Variants in KMT2B observed in about 807,000 individuals in gnomAD.
KMT2B encodes histone-lysine N-methyltransferase 2B.
KMT2B carries 22 observed loss-of-function variants against 255.3 expected under a neutral mutation model. That is an observed-to-expected ratio of 0.09 (90% CI 0.06 to 0.12). The LOEUF is 0.12. Ranked by LOEUF, KMT2B falls within the 10% of genes least tolerant of loss-of-function variation. The pLI is 1.00. For missense variants in KMT2B, 3,149 were observed against 3,737.0 expected (o/e 0.84, Z 4.10); for synonymous variants, 1,730 against 1,498.1 (o/e 1.15, Z -3.57).
In KMT2B at chr19:35,725,421, C is replaced by T; in HGVS notation, c.3643-58C>T. 1.4e-5 allele frequency: 22 copies of T among 1,596,728 alleles called. No homozygotes were observed. The highest frequency in any genetic ancestry group is 1.9e-5 in the Non-Finnish European group (22 of 1,172,118). ...TTGGGCCCTCTCAGCTGGGTCTCAT[C>T]CCTTGGCCCTCTGGCCTCATGCTAT... On this transcript the variant is annotated intron_variant, in intron 11 of 36. Coordinates refer to ENST00000420124, the MANE Select transcript of KMT2B (RefSeq NM_014727.3). The surrounding 1 kb of genome is among the most constrained non-coding windows in gnomAD (Gnocchi z 4.1).
At position 35,728,163 on chromosome 19, in the gene KMT2B, G is replaced by A; in HGVS notation, c.4563G>A (p.Arg1521=). ...CCAAGTACTGGCGACGGAGTACCCG[G>A]CTGCCAAAGTGAGCAAGGCTGGGTA... ...HDPKYWRRST[R]LPNGVLPNAV... is the part of the protein sequence containing the mutation. Residue 1521 remains arginine, a synonymous_variant, in exon 19 of 37, where the codon CGG becomes CGA. Transcript: ENST00000420124. 1 of 1,591,458 alleles carries A rather than the reference G, an allele frequency of 6.3e-7. No individual in the cohort carries two copies.
rs898578503 is a variant in KMT2B at position 35,718,020 on chromosome 19, T to TGGC, written c.14_16dup (p.Ala5dup). Reference sequence around the variant, plus strand: ...CCCGGCCCCTCTCACGGTGCCAAGATGGCGGCGGCGGCGGGCGGCGGCAGT... The same window carrying TGGC: ...CCCGGCCCCTCTCACGGTGCCAAGATGGCGGCGGCGGCGGCGGGCGGCGGCAGT... On this transcript the variant is annotated inframe_insertion, in exon 1 of 37. Transcript: ENST00000420124. The surrounding 1 kb of genome is among the most constrained non-coding windows in gnomAD (Gnocchi z 5.0). 31 of 983,868 alleles carry TGGC rather than the reference T, an allele frequency of 3.2e-5. No homozygotes were observed. Among genetic ancestry groups the TGGC allele is most frequent in the African/African-American group, 2.5e-4 (14 of 56,686 alleles). 60.9% of individuals were successfully genotyped at this position (983,868 alleles called of 1,614,324 possible).
chr19:35,737,836 G>A lies in KMT2B; in HGVS notation c.7659-23G>A, dbSNP rs1440809895. 1 of 1,557,564 alleles carries A rather than the reference G, an allele frequency of 6.4e-7. No homozygotes were observed. The highest frequency in any genetic ancestry group is 8.7e-7 in the Non-Finnish European group (1 of 1,150,004). Reference sequence around the variant, plus strand: ...GAGGTCATTCTGAGCACCAGCCTGGGTGACACTGCTGTCCCTCACCAGACG... The same window carrying A: ...GAGGTCATTCTGAGCACCAGCCTGGATGACACTGCTGTCCCTCACCAGACG... On this transcript the variant is annotated intron_variant, in intron 34 of 36. Coordinates refer to ENST00000420124, the MANE Select transcript of KMT2B (RefSeq NM_014727.3). The surrounding 1 kb of genome is among the most constrained non-coding windows in gnomAD (Gnocchi z 5.3).
chr19:35,730,114 C>G lies in KMT2B; in HGVS notation c.5065C>G (p.Leu1689Val), dbSNP rs371104113. The change falls in exon 23 of 37, where the codon CTG (leucine) becomes GTG (valine). Residue 1689 changes from leucine to valine, a missense_variant. This residue lies in a region of KMT2B where 58 missense variants were observed against 96.9 expected (regional missense o/e 0.60). Transcript: ENST00000420124. ...CTTCTGCCAGAAACACACTGATCTC[C>G]TGGATGGCAAGGTGGGCCAGAACTG... Reference protein sequence around the residue: ...KVFCQKHTDLLDGKEIVNPDG... With the variant: ...KVFCQKHTDLVDGKEIVNPDG... 32 of 1,613,524 alleles carry G rather than the reference C, an allele frequency of 2.0e-5. No homozygotes were observed. The highest frequency in any genetic ancestry group is 2.5e-5 in the Non-Finnish European group (29 of 1,179,764).
chr19:35,736,838 GGA>G lies in KMT2B; in HGVS notation c.7297+13_7297+14del. 6.2e-7 allele frequency: 1 copy of G among 1,613,938 alleles called. No homozygotes were observed. The highest frequency in any genetic ancestry group is 8.5e-7 in the Non-Finnish European group (1 of 1,179,860). On this transcript the variant is annotated intron_variant, in intron 31 of 36. Transcript: ENST00000420124. ...CAGAGAGCTTGGAGGGTGAGTGGGG[GGA>G]GTGCAGTGGCAGGAGGGAGAGTGTC...
chr19:35,733,083 C>A lies in KMT2B; in HGVS notation c.6534C>A (p.Gly2178=). 1 of 1,567,406 alleles carries A rather than the reference C, an allele frequency of 6.4e-7. No homozygotes were observed. The highest frequency in any genetic ancestry group is 8.7e-7 in the Non-Finnish European group (1 of 1,155,960). Residue 2178 remains glycine, a synonymous_variant, in exon 28 of 37, where the codon GGC becomes GGA. Coordinates refer to ENST00000420124, the MANE Select transcript of KMT2B (RefSeq NM_014727.3). The surrounding 1 kb of genome is among the most constrained non-coding windows in gnomAD (Gnocchi z 4.3). ...GAPGVRVLSL[G]PAPEPPKPAT... ...CAGGGGTCCGGGTGTTAAGCCTTGG[C>A]CCTGCCCCTGAGCCCCCCAAACCCG...
rs764034242 is a variant in KMT2B, at chr19:35,732,652, A to G, written c.6103A>G (p.Ile2035Val). ...EEESSPTSRYIHFPVTVVSAP... is the reference protein window; with the variant it reads ...EEESSPTSRYVHFPVTVVSAP... ...GGAGTCCAGCCCCACCTCCCGCTAC[A>G]TCCACTTCCCTGTGACTGTGGTGTC... Residue 2035 changes from isoleucine (I) to valine (V), a missense_variant, in exon 28 of 37, where the codon ATC (isoleucine) becomes GTC (valine). Transcript: ENST00000420124. The G allele has an allele frequency of 1.9e-5, 31 of 1,610,462 alleles. No homozygotes were observed. The highest frequency in any genetic ancestry group is 2.5e-5 in the Non-Finnish European group (29 of 1,178,576).
chr19:35,731,313 G>C (rs1454164945), intron 26 of KMT2B, among the ~76,000 whole-genome samples: 1 of 152,244 alleles, frequency 6.6e-6, no homozygotes, highest in Non-Finnish European at 1.5e-5. Flanking sequence ...GTGGCTGAGA[G>C]CTGGATGGCA....
At chr19:35,726,447 C>A in intron 14 of KMT2B, 94 bp downstream of exon 14, 1 of 812,944 alleles carries the variant, frequency 1.2e-6, no homozygotes, top group Non-Finnish European at 2.1e-6. Context: ...TTTCTCATGG[C>A]TTTCCACCTT....
In KMT2B at chr19:35,720,689, C is replaced by T. The variant is rs1273488815; in HGVS notation, c.1342C>T (p.Pro448Ser). The T allele has an allele frequency of 6.8e-6, 10 of 1,480,938 alleles. 1 individual carries two copies. The highest frequency in any genetic ancestry group is 8.9e-6 in the Non-Finnish European group (10 of 1,117,760). The allele number at this position is 1,480,938 out of a possible 1,614,324, so 91.7% of individuals were successfully genotyped here. A position where few individuals can be genotyped will look rare whatever the true frequency, so the allele number is the denominator to read the frequency against. ...PPPLPSPPPP[P>S]AQEEQEESPP... ...ACCTCTACCATCCCCTCCACCGCCT[C>T]CTGCCCAAGAGGAGCAGGAGGAATC... is the stretch of plus-strand genomic sequence containing the variant. The change falls in exon 3 of 37, where the codon CCT (proline) becomes TCT (serine). Residue 448 changes from proline (P) to serine (S), a missense_variant. This residue lies in a region of KMT2B where 1,188 missense variants were observed against 1,106.4 expected (regional missense o/e 1.07). Transcript: ENST00000420124.
chr19:35,731,867 C>T (rs1969706887), intron 26 of KMT2B, 41 bp from the exon 27 acceptor site: 1 of 1,465,508 alleles, frequency 6.8e-7, no homozygotes, highest in Non-Finnish European at 9.5e-7. Context: ...GGCTTTGACA[C>T]AGAGCCCCTA....
chr19:35,718,994 A>G lies in KMT2B; in HGVS notation c.364-475A>G, dbSNP rs1969073279. Reference sequence around the variant, plus strand: ...GTGGGTTGCGTTGCCCTGGACGGTTAATAACAACCTGAGAGCTCGCAGTGG... The same window carrying G: ...GTGGGTTGCGTTGCCCTGGACGGTTGATAACAACCTGAGAGCTCGCAGTGG... On this transcript the variant is annotated intron_variant, in intron 1 of 36. Transcript: ENST00000420124. The surrounding 1 kb of genome is among the most constrained non-coding windows in gnomAD (Gnocchi z 5.0). 6.6e-6 allele frequency among the ~76,000 whole-genome samples: 1 copy of G among 152,130 alleles called. No homozygotes were observed. Among genetic ancestry groups the G allele is most frequent in the Non-Finnish European group, 1.5e-5 (1 of 68,010 alleles).
At chr19:35,728,043 C>G in intron 18 of KMT2B, 55 bp from the exon 19 acceptor site, 1 of 1,556,996 alleles carries the variant, frequency 6.4e-7, no homozygotes, top group Non-Finnish European at 8.7e-7. Flanking sequence ...GACCCTGCCC[C>G]TGCCAGCTCT....
Position 35,733,133 on chromosome 19 carries a change from A to G in KMT2B, c.6584A>G (p.Asn2195Ser). The G allele has an allele frequency of 2.5e-6, 4 of 1,588,548 alleles. No individual in the cohort carries two copies. Among genetic ancestry groups the G allele is most frequent in the Non-Finnish European group, 2.6e-6 (3 of 1,167,216 alleles). The change falls in exon 28 of 37, where the codon AAC becomes AGC. Residue 2195 changes from asparagine (N) to serine (S), a missense_variant. Asn to Ser is a conservative substitution (Grantham distance 46). Transcript: ENST00000420124. The surrounding 1 kb of genome is among the most constrained non-coding windows in gnomAD (Gnocchi z 4.3). ...GCCACATCCAAAATCATACTTGTCA[A>G]CAAGCTGGGGCAAGTATTTGTGAAG... ...KPATSKIILV[N>S]KLGQVFVKMA...
chr19:35,727,394 C>G lies in KMT2B; in HGVS notation c.4118-44C>G. The G allele has an allele frequency of 6.2e-7, 1 of 1,607,678 alleles. No homozygotes were observed. The highest frequency in any genetic ancestry group is 8.5e-7 in the Non-Finnish European group (1 of 1,174,870). On this transcript the variant is annotated intron_variant, in intron 15 of 36. Coordinates refer to ENST00000420124, the MANE Select transcript of KMT2B (RefSeq NM_014727.3). This position sits in a 1 kb window ranked among gnomAD's most constrained non-coding sequence, Gnocchi z 4.2. ...GCCTAGGGGCTGCTGGGAGCCCTCA[C>G]ATCCTCTGAAACCACTTTTCCCTTT...
At chr19:35,736,508 A>G in intron 30 of KMT2B, 182 bp from the exon 31 acceptor site, 1 of 684,360 alleles carries the variant, frequency 1.5e-6, no homozygotes, top group South Asian at 2.0e-5. Flanking sequence ...TCCTTAGGGG[A>G]AGAAATGTCC....
chr19:35,725,532 G>A lies in KMT2B; in HGVS notation c.3696G>A (p.Glu1232=). The A allele has an allele frequency of 6.2e-7, 1 of 1,611,260 alleles. No homozygotes were observed. ...CATTCCACCCATTCTGCCTGGAGGA[G>A]GCCGAGCGGCCCCTGCCCCAGCATC... The part of the protein sequence containing the change: ...CDPFHPFCLE[E]AERPLPQHHD... The change falls in exon 12 of 37, where the codon GAG becomes GAA. Residue 1232 remains glutamate, a synonymous_variant. Transcript: ENST00000420124. This position sits in a 1 kb window ranked among gnomAD's most constrained non-coding sequence, Gnocchi z 4.1.
chr19:35,728,495 C>T (rs1185197690), intron 19 of KMT2B, among the ~76,000 whole-genome samples: 2 of 102 alleles, frequency 0.02, no homozygotes, highest in Non-Finnish European at 0.048. Context: ...GCGGTGGGGG[C>T]CCGGAGGGGT....
chr19:35,737,074 A>T lies in KMT2B; in HGVS notation c.7373-12A>T, dbSNP rs753724991. 1.2e-6 allele frequency: 2 copies of T among 1,610,500 alleles called. No individual in the cohort carries two copies. Among genetic ancestry groups the T allele is most frequent in the Non-Finnish European group, 1.7e-6 (2 of 1,177,978 alleles). On this transcript the variant is annotated splice_polypyrimidine_tract_variant and intron_variant, in intron 32 of 36. Transcript: ENST00000420124. The surrounding 1 kb of genome is among the most constrained non-coding windows in gnomAD (Gnocchi z 5.3). ...TCCACATGACAGGTGTGTCCTCAAC[A>T]TCTCCCCTCAGGAATGAGTGGGGCG...
Sources: allele counts gnomAD v4.1 joint callset (sites outside exome capture counted in the v4.1 genomes callset), GRCh38; gene constraint gnomAD v4.1.1; regional missense constraint gnomAD v4.1.1; non-coding constraint Gnocchi (gnomAD v3.1); transcripts MANE v1.5; gene names NCBI Gene and HGNC (gene_info 2026-07-23, HGNC 2026-07-21).